The following HSF2 variants were observed in gnomAD, a reference collection of about 807,000 sequenced individuals.
HSF2 encodes the protein heat shock transcription factor 2.
HSF2 carries 21 observed loss-of-function variants against 65.0 expected under a neutral mutation model. The observed-to-expected ratio is 0.32, with a 90% CI of 0.23 to 0.47. The LOEUF (loss-of-function observed/expected upper bound fraction) is 0.47, where lower values mean the gene tolerates loss of function less well. Ranked by LOEUF, HSF2 falls within the 20% of genes least tolerant of loss-of-function variation. The pLI is 1.00. For missense variants in HSF2, 499 were observed against 628.1 expected, an observed-to-expected ratio of 0.79 and a Z score of 2.20; for synonymous variants, 225 against 219.1, an observed-to-expected ratio of 1.03 and a Z score of -0.24.
At chr6:122,408,192 C>T (rs73539071) in intron 1 of HSF2, among the ~76,000 whole-genome samples, 212 of 152,202 alleles carry the variant, frequency 1.4e-3, no homozygotes, top group African/African-American at 4.9e-3. Flanking sequence ...TTCCATTGGA[C>T]AATTTATCCT....
At chr6:122,412,604 A>T in intron 2 of HSF2, 33 bp from the exon 3 acceptor site, 9 of 1,603,356 alleles carry the variant, frequency 5.6e-6, no homozygotes, top group Non-Finnish European at 7.7e-6. Context: ...TGACTTGTTT[A>T]TTTTAGTCAT....
intron 11 of HSF2, among the ~76,000 whole-genome samples, chr6:122,430,715 T>A (rs543170341): frequency 6.6e-6 from 1 of 152,084 alleles, no homozygotes; most frequent in Non-Finnish European, 1.5e-5. Flanking sequence ...TGCAGATGTC[T>A]GGGACTTACA....
intron 7 of HSF2, among the ~76,000 whole-genome samples, chr6:122,421,346 C>A (rs1774231187): frequency 6.6e-6 from 1 of 151,876 alleles, no homozygotes; most frequent in Non-Finnish European, 1.5e-5. Flanking sequence ...TGTTCTTGGA[C>A]AATCAAACTT....
intron 7 of HSF2, among the ~76,000 whole-genome samples, chr6:122,421,326 A>G (rs1774230846): frequency 6.6e-6 from 1 of 152,124 alleles, no homozygotes; most frequent in Non-Finnish European, 1.5e-5. Context: ...TATTAAAGTA[A>G]TAAGATTTTT....
chr6:122,422,996 T>C (rs372422497), intron 9 of HSF2, 39 bp downstream of exon 9: 99 of 1,607,018 alleles, frequency 6.2e-5, no homozygotes, highest in Non-Finnish European at 8.1e-5. Flanking sequence ...ATTATTTGCT[T>C]TCTTTGTTCA....
chr6:122,427,519 G>A (rs1312017779), intron 10 of HSF2, among the ~76,000 whole-genome samples: 3 of 151,954 alleles, frequency 2.0e-5, no homozygotes, highest in East Asian at 3.8e-4. Context: ...ATTCAGTGAA[G>A]GCTCAGTGTC....
chr6:122,404,514 C>G (rs1446410242), intron 1 of HSF2, among the ~76,000 whole-genome samples: 5 of 152,154 alleles, frequency 3.3e-5, no homozygotes, highest in Non-Finnish European at 5.9e-5. Flanking sequence ...CCACAAATTT[C>G]TGTTCCGAAA....
At chr6:122,427,030 T>C (rs1460156362) in intron 10 of HSF2, among the ~76,000 whole-genome samples, 1 of 152,062 alleles carries the variant, frequency 6.6e-6, no homozygotes, top group Non-Finnish European at 1.5e-5. Flanking sequence ...CAGGTACTGA[T>C]ATATATCACA....
At chr6:122,402,842 G>A (rs751375541) in intron 1 of HSF2, among the ~76,000 whole-genome samples, 2 of 151,950 alleles carry the variant, frequency 1.3e-5, no homozygotes, top group Non-Finnish European at 2.9e-5. Flanking sequence ...GTGAGCCACC[G>A]GCGCCCAGGT....
chr6:122,422,385 A>T, intron 8 of HSF2, 87 bp downstream of exon 8: 1 of 991,084 alleles, frequency 1.0e-6, no homozygotes, highest in Non-Finnish European at 1.5e-6. Context: ...TGTTCTTTGA[A>T]AAATAATAAT....
intron 1 of HSF2, among the ~76,000 whole-genome samples, chr6:122,402,436 CT>C (rs1773758446): frequency 6.6e-6 from 1 of 152,110 alleles, no homozygotes; most frequent in African/African-American, 2.4e-5. Context: ...TCATCTTTCT[CT>C]TTTCTTTGAT....
At chr6:122,401,549 G>A (rs1274205854) in intron 1 of HSF2, among the ~76,000 whole-genome samples, 1 of 152,168 alleles carries the variant, frequency 6.6e-6, no homozygotes, top group Non-Finnish European at 1.5e-5. Flanking sequence ...TGTCAAATGT[G>A]GAGAGTTTCG....
chr6:122,416,231 T>A lies in HSF2; in HGVS notation c.466T>A (p.Ser156Thr). The change falls in exon 5 of 13, where the codon TCC becomes ACC. Residue 156 changes from serine to threonine, a missense_variant. Around this residue, in one of 2 missense-constraint regions of HSF2, gnomAD observed 150 missense variants for 234.6 expected, o/e 0.64. Transcript: ENST00000368455. ...RLSELKSENE[S>T]LWKEVSELRA... Reference sequence around the variant, plus strand: ...TAAATTATAACATAGTGAGAATGAGTCCCTTTGGAAGGAGGTGTCAGAATT... The same window carrying A: ...TAAATTATAACATAGTGAGAATGAGACCCTTTGGAAGGAGGTGTCAGAATT... 6.2e-7 allele frequency: 1 copy of A among 1,601,328 alleles called. No individual in the cohort carries two copies. Among genetic ancestry groups the A allele is most frequent in the Non-Finnish European group, 8.6e-7 (1 of 1,168,712 alleles).
intron 12 of HSF2, 119 bp downstream of exon 12, chr6:122,431,633 G>A (rs1358050584): frequency 1.1e-5 from 6 of 566,728 alleles, no homozygotes; most frequent in African/African-American, 3.9e-5. Context: ...ATAGTGTGTC[G>A]AGGTTCTAGT....
chr6:122,432,135 C>G lies in HSF2; in HGVS notation c.1526C>G (p.Ala509Gly). 2 of 1,614,130 alleles carry G rather than the reference C, an allele frequency of 1.2e-6. No individual in the cohort carries two copies. Among genetic ancestry groups the G allele is most frequent in the South Asian group, 2.2e-5 (2 of 91,082 alleles). The change falls in exon 13 of 13, where the codon GCT (alanine) becomes GGT (glycine). Residue 509 changes from alanine to glycine, a missense_variant. Coordinates refer to ENST00000368455, the MANE Select transcript of HSF2 (RefSeq NM_004506.4). ...GTTCGCCTGGAGCCATTGACTGAAG[C>G]TGAAGCTAGTGAAGCTACACTGTTT... ...KLVRLEPLTE[A>G]EASEATLFYL...
At chr6:122,429,954 T>C (rs572755814) in intron 11 of HSF2, among the ~76,000 whole-genome samples, 15 of 152,332 alleles carry the variant, frequency 9.8e-5, no homozygotes, top group East Asian at 3.9e-4. Flanking sequence ...ATCAGGGATA[T>C]TGGCCTGAAA....
intron 11 of HSF2, among the ~76,000 whole-genome samples, chr6:122,431,142 G>A (rs1039423386): frequency 2.6e-5 from 4 of 151,902 alleles, no homozygotes; most frequent in African/African-American, 7.3e-5. Context: ...TCTTTTACTC[G>A]TGACAAATTC....
In HSF2 at chr6:122,420,155, A is replaced by T. The variant is rs146447456; in HGVS notation, c.614A>T (p.Asn205Ile). 1 of 1,610,952 alleles carries T rather than the reference A, an allele frequency of 6.2e-7. No homozygotes were observed. The highest frequency in any genetic ancestry group is 8.5e-7 in the Non-Finnish European group (1 of 1,178,294). The change falls in exon 7 of 13, where the codon AAT becomes ATT. Residue 205 changes from asparagine to isoleucine, a missense_variant. Physicochemically the swap from Asn to Ile is moderately radical, Grantham distance 149 (BLOSUM62 -3). Coordinates refer to ENST00000368455, the MANE Select transcript of HSF2 (RefSeq NM_004506.4). ...TTCAGGCCTCTACTTCTAAACACTA[A>T]TGGAGCCCAAAAGAAGAACCTGTTT... ...KRKRPLLLNT[N>I]GAQKKNLFQH... is the part of the protein sequence containing the mutation.
chr6:122,416,507 A>G (rs1774133056), intron 5 of HSF2, among the ~76,000 whole-genome samples: 1 of 152,222 alleles, frequency 6.6e-6, no homozygotes, highest in Admixed American at 6.5e-5. Flanking sequence ...GTTATTCCAT[A>G]CTCGCAGATA....
Sources: allele counts gnomAD v4.1 joint callset (sites outside exome capture counted in the v4.1 genomes callset), GRCh38; gene constraint gnomAD v4.1.1; regional missense constraint gnomAD v4.1.1; transcripts MANE v1.5; gene names NCBI Gene and HGNC (gene_info 2026-07-23, HGNC 2026-07-21).